Variants in GINS2 observed in about 807,000 individuals in gnomAD.
GINS2 encodes GINS complex subunit 2, also known as DNA replication complex GINS protein PSF2.
GINS2 carries 23 observed loss-of-function variants against 21.2 expected under a neutral mutation model. The observed-to-expected ratio is 1.08, with a 90% CI of 0.78 to 1.53. The LOEUF (loss-of-function observed/expected upper bound fraction) is 1.53. Ranked by LOEUF, GINS2 falls within the 40% of genes most tolerant of loss-of-function variation. GINS2 has a pLI of 0.00. For missense variants in GINS2, 323 were observed against 233.9 expected, an observed-to-expected ratio of 1.38 and a Z score of -2.49; for synonymous variants, 118 against 85.6, an observed-to-expected ratio of 1.38 and a Z score of -2.09.
chr16:85,684,829 C>A (rs2053761439), intron 2 of GINS2, among the ~76,000 whole-genome samples: 1 of 151,458 alleles, frequency 6.6e-6, no homozygotes, highest in South Asian at 2.1e-4. Flanking sequence ...GCTGTATCTC[C>A]CAGGCTGGAG....
At position 85,677,743 on chromosome 16, in the gene GINS2, C is replaced by A. The variant is rs1235139038; in HGVS notation, c.*469G>T. 1.3e-5 allele frequency: 2 copies of A among 158,094 alleles called. No homozygotes were observed. Among genetic ancestry groups the A allele is most frequent in the East Asian group, 3.8e-4 (2 of 5,324 alleles). 9.8% of individuals were successfully genotyped at this position (158,094 alleles called of 1,614,324 possible). On this transcript the variant is annotated 3_prime_UTR_variant, in exon 5 of 5. Coordinates refer to ENST00000253462, the MANE Select transcript of GINS2 (RefSeq NM_016095.3). ...GCACCGGTCAGCATTGTTGGCTGCA[C>A]CATCTGCCATCCTTCTCTGTGAGCC...
In GINS2 at chr16:85,677,830, G is replaced by T; in HGVS notation, c.*382C>A. ...CAGGATCAAGAAGGGGTAAAAAGCC[G>T]TGGACCACATGGCCACTCCTGCTGT... is the stretch of plus-strand genomic sequence containing the variant. On this transcript the variant is annotated 3_prime_UTR_variant, in exon 5 of 5. Coordinates refer to ENST00000253462, the MANE Select transcript of GINS2 (RefSeq NM_016095.3). The T allele has an allele frequency of 5.9e-6, 1 of 170,286 alleles. No homozygotes were observed. The highest frequency in any genetic ancestry group is 1.3e-5 in the Non-Finnish European group (1 of 79,026). The allele number at this position is 170,286 out of a possible 1,614,324, so 10.5% of individuals were successfully genotyped here.
In GINS2 at chr16:85,678,347, G is replaced by T; in HGVS notation, c.433-10C>A. ...AGGTCAAGTTATCCAGCTAAAGCAA[G>T]AAAACAGACCAAGTTGGCCAAGGAG... On this transcript the variant is annotated splice_polypyrimidine_tract_variant and intron_variant, in intron 4 of 4. Coordinates refer to ENST00000253462, the MANE Select transcript of GINS2 (RefSeq NM_016095.3). 6.2e-7 allele frequency: 1 copy of T among 1,613,626 alleles called. No homozygotes were observed.
chr16:85,678,166 C>G lies in GINS2; in HGVS notation c.*46G>C. ...AGAACCACGAGTACCTCATCACGTC[C>G]TGAGCGCTCACATCCCCCAGCAAGC... is the stretch of plus-strand genomic sequence containing the variant. On this transcript the variant is annotated 3_prime_UTR_variant, in exon 5 of 5. Transcript: ENST00000253462. 1 of 1,594,218 alleles carries G rather than the reference C, an allele frequency of 6.3e-7. No individual in the cohort carries two copies. Among genetic ancestry groups the G allele is most frequent in the Non-Finnish European group, 8.6e-7 (1 of 1,166,058 alleles).
At chr16:85,679,447 A>G (rs2053713995) in intron 3 of GINS2, among the ~76,000 whole-genome samples, 1 of 152,274 alleles carries the variant, frequency 6.6e-6, no homozygotes, top group Non-Finnish European at 1.5e-5. Flanking sequence ...ATTACAGGTT[A>G]CGCTAGACAT....
Position 85,680,681 on chromosome 16 carries a change from A to C in GINS2, c.305+901T>G, listed in dbSNP as rs1226954397. On this transcript the variant is annotated intron_variant, in intron 3 of 4. Transcript: ENST00000253462. ...AGCAATGTGTAGAGCTGCCAAGAGT[A>C]CATGTGTGCTGAACCCAGAAGAGAC... Among the ~76,000 whole-genome samples, 3 of 151,602 alleles carry C rather than the reference A, an allele frequency of 2.0e-5. 1 individual carries two copies. The East Asian group carries it at 5.8e-4, about 30-fold the overall frequency.
At chr16:85,688,552 C>A (rs1401070632) in intron 1 of GINS2, among the ~76,000 whole-genome samples, 1 of 152,086 alleles carries the variant, frequency 6.6e-6, no homozygotes, top group South Asian at 2.1e-4. Flanking sequence ...CCTCAAAAAC[C>A]AAAAAACAAA....
At position 85,681,623 on chromosome 16, in the gene GINS2, G is replaced by A. The variant is rs1486641408; in HGVS notation, c.264C>T (p.Pro88=). 2.2e-5 allele frequency: 36 copies of A among 1,612,304 alleles called. No individual in the cohort carries two copies. The highest frequency in any genetic ancestry group is 3.0e-5 in the Non-Finnish European group (35 of 1,178,562). The change falls in exon 3 of 5, where the codon CCC becomes CCT. Residue 88 remains proline (P), a synonymous_variant. Transcript: ENST00000253462. Reference sequence around the variant, plus strand: ...TCGTAAGTTCCATGTAGTAAGGGCTGGGCATTGGGGTAAAAGTTTCTTCCT... The same window carrying A: ...TCGTAAGTTCCATGTAGTAAGGGCTAGGCATTGGGGTAAAAGTTTCTTCCT... The part of the protein sequence containing the change: ...ERKEETFTPM[P]SPYYMELTKL...
intron 1 of GINS2, 184 bp from the exon 2 acceptor site, chr16:85,687,758 G>A (rs1321792030): frequency 1.4e-5 from 7 of 488,754 alleles, no homozygotes; most frequent in East Asian, 6.9e-5. Flanking sequence ...AGACACCTGC[G>A]AGCGTGGGGC....
In GINS2 at chr16:85,676,293, C is replaced by A. The variant is rs1010056878; in HGVS notation, c.*1919G>T. 4 of 152,298 alleles carry A rather than the reference C, an allele frequency of 2.6e-5. No individual in the cohort carries two copies. Among genetic ancestry groups the A allele is most frequent in the Non-Finnish European group, 5.9e-5 (4 of 68,038 alleles). 9.4% of individuals were successfully genotyped at this position (152,298 alleles called of 1,614,324 possible). On this transcript the variant is annotated 3_prime_UTR_variant, in exon 5 of 5. Transcript: ENST00000253462. ...ATCTCCGCAGACGGAGCTGCCTCCACTGGCTCAGGCTCTAAGAGGAGGGCA... is the reference window on the plus strand; with the variant it reads ...ATCTCCGCAGACGGAGCTGCCTCCAATGGCTCAGGCTCTAAGAGGAGGGCA...
At chr16:85,680,154 C>T (rs1459749968) in intron 3 of GINS2, among the ~76,000 whole-genome samples, 1 of 152,220 alleles carries the variant, frequency 6.6e-6, no homozygotes, top group Admixed American at 6.5e-5. Context: ...TCCCGCACCA[C>T]ACCAGGAAGC....
chr16:85,688,332 G>A (rs2053796178), intron 1 of GINS2, among the ~76,000 whole-genome samples: 1 of 152,140 alleles, frequency 6.6e-6, no homozygotes, highest in African/African-American at 2.4e-5. Context: ...TGGCTCATGA[G>A]GTCAGGAGTT....
chr16:85,683,743 A>G (rs2053752881), intron 2 of GINS2, among the ~76,000 whole-genome samples: 1 of 152,044 alleles, frequency 6.6e-6, no homozygotes, highest in Non-Finnish European at 1.5e-5. Context: ...TATTGCACCA[A>G]CCTTCTCTAC....
intron 2 of GINS2, among the ~76,000 whole-genome samples, chr16:85,684,498 C>T (rs1439429841): frequency 6.6e-6 from 1 of 152,036 alleles, no homozygotes; most frequent in Non-Finnish European, 1.5e-5. Context: ...AGAGAAATCC[C>T]TGTCTCTAAA....
Position 85,687,544 on chromosome 16 carries a change from G to C in GINS2, c.121C>G (p.Pro41Ala), listed in dbSNP as rs1451110721. The C allele has an allele frequency of 6.3e-7, 1 of 1,586,350 alleles. No individual in the cohort carries two copies. The highest frequency in any genetic ancestry group is 8.5e-7 in the Non-Finnish European group (1 of 1,170,256). ...GCCAGCCACAGGGGCACTTCCACGG[G>C]TAAACCAGGGTTAAAAGGCCCCAGG... is the stretch of plus-strand genomic sequence containing the variant. ...GDLGPFNPGLPVEVPLWLAIN... is the reference protein window; with the variant it reads ...GDLGPFNPGLAVEVPLWLAIN... Residue 41 changes from proline (P) to alanine (A), a missense_variant, in exon 2 of 5, where the codon CCC becomes GCC. By Grantham distance (27) the Pro-to-Ala change is conservative. Transcript: ENST00000253462.
chr16:85,687,757 C>T, intron 1 of GINS2, 183 bp from the exon 2 acceptor site: 1 of 485,882 alleles, frequency 2.1e-6, no homozygotes, highest in Non-Finnish European at 3.6e-6. Flanking sequence ...GAGACACCTG[C>T]GAGCGTGGGG....
Position 85,678,179 on chromosome 16 carries a change from TC to T in GINS2, c.*32del. ...CCTCATCACGTCCTGAGCGCTCACA[TC>T]CCCCAGCAAGCCGCCTGCACCAGGC... On this transcript the variant is annotated 3_prime_UTR_variant, in exon 5 of 5. Transcript: ENST00000253462. 1 of 1,606,472 alleles carries T rather than the reference TC, an allele frequency of 6.2e-7. No individual in the cohort carries two copies. The highest frequency in any genetic ancestry group is 8.5e-7 in the Non-Finnish European group (1 of 1,175,750).
chr16:85,678,175 C>T lies in GINS2; in HGVS notation c.*37G>A. On this transcript the variant is annotated 3_prime_UTR_variant, in exon 5 of 5. Transcript: ENST00000253462. The stretch of plus-strand genomic sequence containing the variant: ...AGTACCTCATCACGTCCTGAGCGCT[C>T]ACATCCCCCAGCAAGCCGCCTGCAC... 6.2e-7 allele frequency: 1 copy of T among 1,604,926 alleles called. No homozygotes were observed. Among genetic ancestry groups the T allele is most frequent in the Non-Finnish European group, 8.5e-7 (1 of 1,174,602 alleles).
Position 85,678,004 on chromosome 16 carries a change from C to G in GINS2, c.*208G>C, listed in dbSNP as rs889705079. 2.0e-6 allele frequency: 1 copy of G among 490,378 alleles called. No individual in the cohort carries two copies. The highest frequency in any genetic ancestry group is 2.0e-5 in the African/African-American group (1 of 50,362). The allele number at this position is 490,378 out of a possible 1,614,324, so 30.4% of individuals were successfully genotyped here. A position where few individuals can be genotyped will look rare whatever the true frequency, so the allele number is the denominator to read the frequency against. ...GGGAAAAAGGGCTGGTTTCTAGAAACAGATGTGGAATTGAAGAATGTCCCA... is the reference window on the plus strand; with the variant it reads ...GGGAAAAAGGGCTGGTTTCTAGAAAGAGATGTGGAATTGAAGAATGTCCCA... On this transcript the variant is annotated 3_prime_UTR_variant, in exon 5 of 5. Transcript: ENST00000253462.
Sources: gnomAD v4.1 joint callset for allele counts (sites outside exome capture counted in the v4.1 genomes callset) on GRCh38, gnomAD v4.1.1 for gene constraint, MANE v1.5 for transcripts, NCBI Gene and HGNC (gene_info 2026-07-23, HGNC 2026-07-21) for gene names.